Variants in LRCH1 observed in about 807,000 individuals in gnomAD.
LRCH1 encodes leucine-rich repeat and calponin homology domain-containing protein 1.
LRCH1 carries 23 observed loss-of-function variants against 94.9 expected under a neutral mutation model. The observed-to-expected ratio is 0.24, with a 90% CI of 0.17 to 0.34. The LOEUF (loss-of-function observed/expected upper bound fraction) is 0.34. LRCH1 is among the 10% of genes least tolerant of loss of function. LRCH1 has a pLI of 1.00. For missense variants in LRCH1, 790 were observed against 945.9 expected (o/e 0.84, Z 2.16); for synonymous variants, 364 against 354.9 (o/e 1.03, Z -0.29).
At chr13:46,576,614 C>T (rs1594256390) in intron 1 of LRCH1, among the ~76,000 whole-genome samples, 1 of 152,328 alleles carries the variant, frequency 6.6e-6, no homozygotes, top group East Asian at 1.9e-4. Context: ...TGCCTCTTTC[C>T]TTTCAATGTT....
intron 1 of LRCH1, among the ~76,000 whole-genome samples, chr13:46,607,115 G>T (rs748285200): frequency 2.0e-5 from 3 of 152,198 alleles, no homozygotes; most frequent in Non-Finnish European, 4.4e-5. Context: ...ATTTAGGGCA[G>T]GGGAAATGTG....
downstream of LRCH1, among the ~76,000 whole-genome samples, chr13:46,746,150 A>C (rs1873901477): frequency 6.6e-6 from 1 of 152,220 alleles, no homozygotes; most frequent in South Asian, 2.1e-4. Context: ...CCCTGGTTCC[A>C]GGACTTACCA....
rs902166803 is a variant in LRCH1 at position 46,588,750 on chromosome 13, G to T, written c.307+35047G>T. ...CGAGTAGCTGGGATTACAGGCGCCC[G>T]CCACTACATCCAGCTAACTTTTTTG... On this transcript the variant is annotated intron_variant, in intron 1 of 19. Coordinates refer to ENST00000389797, the MANE Select transcript of LRCH1 (RefSeq NM_001164211.2). 2.0e-5 allele frequency among the ~76,000 whole-genome samples: 3 copies of T among 151,744 alleles called. No individual in the cohort carries two copies. In the East Asian group the frequency reaches 5.8e-4, roughly 29 times the overall value.
At chr13:46,566,758 T>C (rs375304472) in intron 1 of LRCH1, among the ~76,000 whole-genome samples, 46 of 152,284 alleles carry the variant, frequency 3.0e-4, no homozygotes, top group African/African-American at 1.1e-3. Flanking sequence ...CTACAGATGG[T>C]CCTCGGGGTG....
intron 1 of LRCH1, among the ~76,000 whole-genome samples, chr13:46,590,521 C>A (rs1192613769): frequency 6.6e-6 from 1 of 152,088 alleles, no homozygotes; most frequent in Non-Finnish European, 1.5e-5. Context: ...TCTTCTTGGC[C>A]AGGCGTGGTG....
At chr13:46,568,699 C>T (rs1322822441) in intron 1 of LRCH1, among the ~76,000 whole-genome samples, 1 of 152,080 alleles carries the variant, frequency 6.6e-6, no homozygotes, top group Non-Finnish European at 1.5e-5. Flanking sequence ...GACATAGTGA[C>T]AGAAGCATAT....
At chr13:46,608,314 TG>T (rs1253681855) in intron 1 of LRCH1, among the ~76,000 whole-genome samples, 3 of 152,170 alleles carry the variant, frequency 2.0e-5, no homozygotes, top group Non-Finnish European at 4.4e-5. Context: ...TGATTTGCTT[TG>T]GAATTAAAGA....
At chr13:46,597,089 T>C (rs2050572437) in intron 1 of LRCH1, among the ~76,000 whole-genome samples, 1 of 152,232 alleles carries the variant, frequency 6.6e-6, no homozygotes, top group Non-Finnish European at 1.5e-5. Context: ...AATGTATTTG[T>C]AAGCCCCAAA....
chr13:46,653,695 G>A (rs1424602685), intron 2 of LRCH1, among the ~76,000 whole-genome samples: 2 of 152,004 alleles, frequency 1.3e-5, no homozygotes, highest in Non-Finnish European at 2.9e-5. Flanking sequence ...GCCGGGCGTG[G>A]TGGCGTGCAC....
intron 2 of LRCH1, among the ~76,000 whole-genome samples, chr13:46,658,506 G>A (rs563002456): frequency 7.2e-4 from 110 of 152,252 alleles, no homozygotes; most frequent in African/African-American, 2.6e-3. Flanking sequence ...GATGGGCAGG[G>A]TCTTGCTCCA....
chr13:46,585,373 C>T (rs889945662), intron 1 of LRCH1, among the ~76,000 whole-genome samples: 2 of 151,912 alleles, frequency 1.3e-5, no homozygotes, highest in African/African-American at 4.8e-5. Context: ...GTCAGGAGAT[C>T]AAGACCATTC....
At chr13:46,688,119 A>T (rs1870716461) in intron 6 of LRCH1, 140 bp downstream of exon 6, 1 of 756,362 alleles carries the variant, frequency 1.3e-6, no homozygotes, top group Admixed American at 3.7e-5. Flanking sequence ...AATTTGGTTT[A>T]ATCACCTAAT....
At chr13:46,707,840 C>G (rs1178068009) in intron 13 of LRCH1, among the ~76,000 whole-genome samples, 4 of 152,206 alleles carry the variant, frequency 2.6e-5, no homozygotes, top group Non-Finnish European at 1.5e-5. Flanking sequence ...AAGCACCACT[C>G]TGGACACTGA....
At chr13:46,637,949 G>A (rs1293275847) in intron 1 of LRCH1, among the ~76,000 whole-genome samples, 1 of 152,184 alleles carries the variant, frequency 6.6e-6, no homozygotes, top group Non-Finnish European at 1.5e-5. Context: ...AAACAGAAAA[G>A]CGTAATTAAT....
At chr13:46,637,124 A>G (rs1490632568) in intron 1 of LRCH1, among the ~76,000 whole-genome samples, 1 of 152,204 alleles carries the variant, frequency 6.6e-6, no homozygotes, top group East Asian at 1.9e-4. Flanking sequence ...TGAGGCCAAA[A>G]TTGGGAATCA....
chr13:46,657,526 T>C (rs1298760208), intron 2 of LRCH1, among the ~76,000 whole-genome samples: 1 of 72,330 alleles, frequency 1.4e-5, no homozygotes, highest in African/African-American at 5.5e-5. Context: ...TTTTTTTTTT[T>C]TTTTTTTTTT....
intron 2 of LRCH1, among the ~76,000 whole-genome samples, chr13:46,650,722 CA>C (rs756410319): frequency 0.15 from 9,012 of 58,246 alleles, 908 homozygotes; most frequent in African/African-American, 0.4. Flanking sequence ...AAACAAGGAG[CA>C]AAAAAAAAAA....
At chr13:46,736,116 C>CTGTGTGTGTGTG (rs1330584293) in intron 19 of LRCH1, among the ~76,000 whole-genome samples, 4 of 38,630 alleles carry the variant, frequency 1.0e-4, no homozygotes, top group African/African-American at 3.1e-4. Context: ...TTCAAATTTG[C>CTGTGTGTGTGTG]TCTGTGTGTG....
rs1332167524 is a variant in LRCH1, at chr13:46,555,992, C to G, written c.307+2289C>G. ...TTGACACAGCGTACATGTAAGAGTT[C>G]TAGTACAGTTGAAAGTTTGAGTAGT... On this transcript the variant is annotated intron_variant, in intron 1 of 19. Transcript: ENST00000389797. Among the ~76,000 whole-genome samples the G allele has an allele frequency of 3.9e-5, 6 of 152,190 alleles. 1 individual carries two copies. Among genetic ancestry groups the G allele is most frequent in the Admixed American group, 2.0e-4 (3 of 15,282 alleles).
Sources: allele counts gnomAD v4.1 joint callset (sites outside exome capture counted in the v4.1 genomes callset), GRCh38; gene constraint gnomAD v4.1.1; transcripts MANE v1.5; gene names NCBI Gene and HGNC (gene_info 2026-07-23, HGNC 2026-07-21).